Variants in KIAA0319L observed in about 807,000 individuals in gnomAD.
The protein encoded by KIAA0319L is KIAA0319 like, also known as dyslexia-associated protein KIAA0319-like protein.
In KIAA0319L, 55 loss-of-function variants were observed where a neutral mutation model predicts 120.1. The observed-to-expected ratio is 0.46, with a 90% confidence interval of 0.37 to 0.57. KIAA0319L has a LOEUF of 0.57. Among genes scored for constraint, KIAA0319L ranks in the 20% least tolerant of loss-of-function variants. KIAA0319L has a pLI of 0.00. For missense variants in KIAA0319L, 1,049 were observed against 1,255.3 expected (o/e 0.84, Z 2.48); for synonymous variants, 398 against 471.9 (o/e 0.84, Z 2.03).
chr1:35,467,428 C>T (rs1384437385), intron 6 of KIAA0319L, among the ~76,000 whole-genome samples: 2 of 152,040 alleles, frequency 1.3e-5, no homozygotes, highest in Admixed American at 1.3e-4. Flanking sequence ...TCTCCATTTC[C>T]TTCTAACTCT....
chr1:35,445,015 A>T (rs1464329065), intron 16 of KIAA0319L, among the ~76,000 whole-genome samples: 1 of 152,154 alleles, frequency 6.6e-6, no homozygotes, highest in Non-Finnish European at 1.5e-5. Context: ...CTTGAGCTCC[A>T]TGTGAGTTTT....
chr1:35,543,732 A>C (rs1646880052), intron 2 of KIAA0319L, among the ~76,000 whole-genome samples: 1 of 152,134 alleles, frequency 6.6e-6, no homozygotes, highest in African/African-American at 2.4e-5. Context: ...ACAACAACAA[A>C]AAAAGGCAAC....
intron 3 of KIAA0319L, among the ~76,000 whole-genome samples, chr1:35,485,020 T>A (rs568953710): frequency 5.0e-5 from 7 of 140,798 alleles, no homozygotes; most frequent in Admixed American, 1.5e-4. Context: ...TTAACAGCTA[T>A]TTTGAAGTCT....
intron 6 of KIAA0319L, among the ~76,000 whole-genome samples, chr1:35,467,016 C>T (rs1428796015): frequency 6.6e-6 from 1 of 151,514 alleles, no homozygotes; most frequent in Admixed American, 6.6e-5. Context: ...GGCTTGAGCC[C>T]GGGAGGTGGA....
At chr1:35,493,067 A>G (rs1644658655) in intron 3 of KIAA0319L, among the ~76,000 whole-genome samples, 1 of 152,216 alleles carries the variant, frequency 6.6e-6, no homozygotes. Context: ...AAAAAGAAAT[A>G]AGAGGCATCC....
chr1:35,533,888 A>C (rs1195848926), intron 2 of KIAA0319L, among the ~76,000 whole-genome samples: 1 of 151,830 alleles, frequency 6.6e-6, no homozygotes, highest in Non-Finnish European at 1.5e-5. Flanking sequence ...CCCACTAATA[A>C]ACAAATACAA....
At chr1:35,474,099 G>T (rs1210352503) in intron 5 of KIAA0319L, among the ~76,000 whole-genome samples, 1 of 152,098 alleles carries the variant, frequency 6.6e-6, no homozygotes, top group East Asian at 1.9e-4. Flanking sequence ...TTTTCCCCCA[G>T]GGACAGGGTT....
chr1:35,489,303 A>C (rs1644504751), intron 3 of KIAA0319L, among the ~76,000 whole-genome samples: 1 of 152,232 alleles, frequency 6.6e-6, no homozygotes, highest in Admixed American at 6.5e-5. Context: ...AAAAAATTTA[A>C]AAACCAGACC....
At chr1:35,445,033 G>A (rs189739448) in intron 16 of KIAA0319L, among the ~76,000 whole-genome samples, 3 of 152,204 alleles carry the variant, frequency 2.0e-5, no homozygotes, top group Admixed American at 1.3e-4. Context: ...TTTACAATTA[G>A]AACCTTCTAA....
chr1:35,440,795 T>C lies in KIAA0319L; in HGVS notation c.2962+252A>G, dbSNP rs192928652. 620 of 510,456 alleles carry C rather than the reference T, an allele frequency of 1.2e-3. 1 individual carries two copies. Among genetic ancestry groups the C allele is most frequent in the Non-Finnish European group, 1.8e-3 (497 of 283,416 alleles). The allele number at this position is 510,456 out of a possible 1,614,324, so 31.6% of individuals were successfully genotyped here. Reference sequence around the variant, plus strand: ...CTCCAGGTGGGAAACATGAGGAGAATGCCCAGGCAAAGGAAAACAACAGGC... The same window carrying C: ...CTCCAGGTGGGAAACATGAGGAGAACGCCCAGGCAAAGGAAAACAACAGGC... On this transcript the variant is annotated intron_variant, in intron 20 of 20. Coordinates refer to ENST00000325722, the MANE Select transcript of KIAA0319L (RefSeq NM_024874.5).
rs1414072343 is a variant in KIAA0319L at position 35,444,315 on chromosome 1, T to G, written c.2514-12A>C. 6.2e-7 allele frequency: 1 copy of G among 1,600,602 alleles called. No individual in the cohort carries two copies. Among genetic ancestry groups the G allele is most frequent in the East Asian group, 2.3e-5 (1 of 44,378 alleles). ...ATACCATTTTGGTGCTGCAGAGACA[T>G]GCAACAGTACTAATGAGCTGAAGCG... On this transcript the variant is annotated splice_polypyrimidine_tract_variant and intron_variant, in intron 16 of 20. Transcript: ENST00000325722.
Position 35,456,137 on chromosome 1 carries a change from TGG to T in KIAA0319L, c.1530_1531del (p.Asn510LysfsTer19). 1 of 1,613,930 alleles carries T rather than the reference TGG, an allele frequency of 6.2e-7. No homozygotes were observed. Among genetic ancestry groups the T allele is most frequent in the Non-Finnish European group, 8.5e-7 (1 of 1,179,966 alleles). ...GGAGTTTTGGGGCAGGGTGATCACT[TGG>T]TTGGGGCCTGCGTTGGCCACAGGGG... On this transcript the variant is annotated frameshift_variant, in exon 10 of 21. Coordinates refer to ENST00000325722, the MANE Select transcript of KIAA0319L (RefSeq NM_024874.5). LOFTEE classifies it high-confidence loss of function.
At position 35,484,795 on chromosome 1, in the gene KIAA0319L, TATATATATA is replaced by T. The variant is rs1422813116; in HGVS notation, c.667-5592_667-5584del. On this transcript the variant is annotated intron_variant, in intron 3 of 20. Transcript: ENST00000325722. Reference sequence around the variant, plus strand: ...ATATATATATATATATATATATATATATATATATATATTTTTTTTTTTATTATACTCTAA... The same window carrying T: ...ATATATATATATATATATATATATATTATTTTTTTTTTTATTATACTCTAA... Among the ~76,000 whole-genome samples the T allele has an allele frequency of 5.5e-3, 330 of 59,650 alleles. 14 individuals carry two copies. Among genetic ancestry groups the T allele is most frequent in the East Asian group, 0.033 (31 of 934 alleles). 39.1% of individuals were successfully genotyped at this position (59,650 alleles called of 152,430 possible).
intron 3 of KIAA0319L, among the ~76,000 whole-genome samples, chr1:35,491,911 A>C (rs1644608746): frequency 6.6e-6 from 1 of 152,256 alleles, no homozygotes. Flanking sequence ...GAAATGCATA[A>C]ATTCCTTGAA....
At chr1:35,444,887 T>C (rs1558276751) in intron 16 of KIAA0319L, among the ~76,000 whole-genome samples, 1 of 152,226 alleles carries the variant, frequency 6.6e-6, no homozygotes, top group Non-Finnish European at 1.5e-5. Flanking sequence ...TATTACTCCA[T>C]GCCCAGAATC....
intron 13 of KIAA0319L, 90 bp from the exon 14 acceptor site, chr1:35,450,599 AGAGT>A (rs1641987852): frequency 7.8e-7 from 1 of 1,282,864 alleles, no homozygotes; most frequent in African/African-American, 1.5e-5. Context: ...TAAAACATCA[AGAGT>A]ACCTTAACTG....
intron 2 of KIAA0319L, among the ~76,000 whole-genome samples, chr1:35,542,367 C>T (rs1646826219): frequency 6.6e-6 from 1 of 152,176 alleles, no homozygotes; most frequent in Non-Finnish European, 1.5e-5. Flanking sequence ...ACACCCAAGT[C>T]CATGCTCCAC....
intron 2 of KIAA0319L, among the ~76,000 whole-genome samples, chr1:35,521,274 G>A (rs1048842690): frequency 2.6e-5 from 4 of 152,160 alleles, no homozygotes; most frequent in African/African-American, 9.7e-5. Context: ...AGAAGACGGA[G>A]GTTGCAGTGA....
intron 2 of KIAA0319L, among the ~76,000 whole-genome samples, chr1:35,529,938 A>T (rs763096425): frequency 2.0e-5 from 3 of 146,758 alleles, no homozygotes; most frequent in Admixed American, 2.0e-4. Context: ...GATACCCAAG[A>T]CTCAGATTTT....
Sources: gnomAD v4.1 joint callset for allele counts (sites outside exome capture counted in the v4.1 genomes callset) on GRCh38, gnomAD v4.1.1 for gene constraint, MANE v1.5 for transcripts, NCBI Gene and HGNC (gene_info 2026-07-23, HGNC 2026-07-21) for gene names.